MMP16: variants seen among roughly 807,000 people sequenced by gnomAD.
MMP16 encodes the protein matrix metalloproteinase-16.
A neutral mutation model predicts 67.8 loss-of-function variants in MMP16; 12 were observed. The observed-to-expected ratio is 0.18, with a 90% CI of 0.11 to 0.29. MMP16 has a LOEUF of 0.29. Ranked by LOEUF, MMP16 falls within the 10% of genes least tolerant of loss-of-function variation. The pLI is 1.00. For synonymous variants in MMP16, 249 were observed against 255.9 expected (o/e 0.97, Z 0.26); for missense variants, 475 against 765.7 (o/e 0.62, Z 4.48).
intron 1 of MMP16, among the ~76,000 whole-genome samples, chr8:88,273,493 C>T (rs1311590074): frequency 6.6e-6 from 1 of 152,082 alleles, no homozygotes; most frequent in Non-Finnish European, 1.5e-5. Flanking sequence ...AGTGATATAT[C>T]ATATATCAAT....
At position 88,041,875 on chromosome 8, in the gene MMP16, CTA is replaced by C; in HGVS notation, c.1490-82_1490-81del. 1.9e-6 allele frequency: 2 copies of C among 1,074,092 alleles called. No homozygotes were observed. The highest frequency in any genetic ancestry group is 4.8e-5 in the Admixed American group (2 of 41,810). The allele number at this position is 1,074,092 out of a possible 1,614,324, so 66.5% of individuals were successfully genotyped here. A position where few individuals can be genotyped will look rare whatever the true frequency, so the allele number is the denominator to read the frequency against. ...TGTAGAGAAATGTTACTAAAATAGG[CTA>C]TGTCTTAAGAGATGTATTTTAAGGC... On this transcript the variant is annotated intron_variant, in intron 9 of 9. Transcript: ENST00000286614. The surrounding 1 kb of genome is among the most constrained non-coding windows in gnomAD (Gnocchi z 6.0).
intron 1 of MMP16, among the ~76,000 whole-genome samples, chr8:88,308,893 C>A (rs1811252861): frequency 6.6e-6 from 1 of 151,294 alleles, no homozygotes; most frequent in African/African-American, 2.4e-5. Context: ...CACAAGTTGG[C>A]AGAAAAAGAA....
At chr8:88,096,421 A>G (rs761391065) in intron 6 of MMP16, among the ~76,000 whole-genome samples, 1 of 151,968 alleles carries the variant, frequency 6.6e-6, no homozygotes, top group Admixed American at 6.6e-5. Context: ...CAGTGTCCCT[A>G]TTTCAAATTT....
intron 1 of MMP16, among the ~76,000 whole-genome samples, chr8:88,203,699 C>G (rs1809380052): frequency 6.6e-6 from 1 of 152,102 alleles, no homozygotes; most frequent in South Asian, 2.1e-4. Flanking sequence ...ATAATACTTT[C>G]AAATATGATG....
intron 1 of MMP16, among the ~76,000 whole-genome samples, chr8:88,240,486 T>A (rs985384396): frequency 6.6e-6 from 1 of 152,136 alleles, no homozygotes; most frequent in Non-Finnish European, 1.5e-5. Flanking sequence ...GAAAAGCAGG[T>A]GAGGCAAGAT....
At chr8:88,318,987 G>T (rs1464690243) in intron 1 of MMP16, among the ~76,000 whole-genome samples, 1 of 152,072 alleles carries the variant, frequency 6.6e-6, no homozygotes, top group Non-Finnish European at 1.5e-5. Flanking sequence ...TTATAAAGGA[G>T]ACTGCTTGGC....
intron 6 of MMP16, among the ~76,000 whole-genome samples, chr8:88,115,885 A>G (rs1809419658): frequency 6.6e-6 from 1 of 152,138 alleles, no homozygotes; most frequent in African/African-American, 2.4e-5. Flanking sequence ...CAACATTAAA[A>G]GTATTTTTGC....
At chr8:88,212,632 C>T (rs1365189634) in intron 1 of MMP16, among the ~76,000 whole-genome samples, 1 of 152,116 alleles carries the variant, frequency 6.6e-6, no homozygotes, top group Admixed American at 6.6e-5. Context: ...TTACTGATTA[C>T]CATCTCATGA....
At chr8:88,148,509 C>A (rs1808334083) in intron 4 of MMP16, among the ~76,000 whole-genome samples, 2 of 152,220 alleles carry the variant, frequency 1.3e-5, no homozygotes, top group African/African-American at 4.8e-5. Flanking sequence ...GTATGTGTAT[C>A]ATTTTGTCCA....
intron 7 of MMP16, among the ~76,000 whole-genome samples, chr8:88,062,299 A>T (rs968835439): frequency 2.6e-5 from 4 of 152,236 alleles, no homozygotes; most frequent in East Asian, 1.9e-4. Context: ...CAGCCATCCC[A>T]TTATTGGGCA....
intron 1 of MMP16, among the ~76,000 whole-genome samples, chr8:88,229,614 T>C (rs1351576656): frequency 6.6e-6 from 1 of 151,964 alleles, no homozygotes; most frequent in African/African-American, 2.4e-5. Flanking sequence ...CATTTATCTG[T>C]ACAAAATGCA....
At chr8:88,119,089 G>A (rs1472081887) in intron 4 of MMP16, among the ~76,000 whole-genome samples, 2 of 151,978 alleles carry the variant, frequency 1.3e-5, no homozygotes, top group African/African-American at 2.4e-5. Flanking sequence ...CAGAGATTTA[G>A]AATCCAAAAG....
chr8:88,124,595 C>G (rs529332286), intron 4 of MMP16, among the ~76,000 whole-genome samples: 41 of 152,040 alleles, frequency 2.7e-4, no homozygotes, highest in African/African-American at 8.9e-4. Flanking sequence ...GTCAAGCCAC[C>G]TTCAAAGAAC....
chr8:88,116,045 G>C (rs977122655), intron 6 of MMP16, among the ~76,000 whole-genome samples: 2 of 152,034 alleles, frequency 1.3e-5, no homozygotes. Context: ...ATGGCTACCC[G>C]TGGACCCCAA....
At chr8:88,221,281 A>G (rs1809678467) in intron 1 of MMP16, among the ~76,000 whole-genome samples, 1 of 152,124 alleles carries the variant, frequency 6.6e-6, no homozygotes, top group South Asian at 2.1e-4. Flanking sequence ...AAATGCCAAA[A>G]GAAAACTCCT....
At chr8:88,065,057 T>C (rs1808446535) in intron 7 of MMP16, among the ~76,000 whole-genome samples, 1 of 152,132 alleles carries the variant, frequency 6.6e-6, no homozygotes, top group South Asian at 2.1e-4. Flanking sequence ...CTGGCCATTT[T>C]TGCTCTGCAT....
intron 4 of MMP16, among the ~76,000 whole-genome samples, chr8:88,144,570 T>A (rs923788719): frequency 6.6e-6 from 1 of 151,784 alleles, no homozygotes; most frequent in Non-Finnish European, 1.5e-5. Context: ...TTAGATTGGA[T>A]AATTTATATA....
chr8:88,288,673 G>T (rs775449767), intron 1 of MMP16, among the ~76,000 whole-genome samples: 13 of 152,172 alleles, frequency 8.5e-5, no homozygotes, highest in Non-Finnish European at 1.3e-4. Flanking sequence ...AATGCAGTAG[G>T]AGAGAAATTC....
intron 8 of MMP16, among the ~76,000 whole-genome samples, chr8:88,054,947 T>G (rs1017940472): frequency 6.6e-6 from 1 of 152,162 alleles, no homozygotes; most frequent in Non-Finnish European, 1.5e-5. Context: ...TGTGTGTATT[T>G]TCTTAAAAAT....
Sources: gnomAD v4.1 joint callset for allele counts (sites outside exome capture counted in the v4.1 genomes callset) on GRCh38, gnomAD v4.1.1 for gene constraint, Gnocchi (gnomAD v3.1) non-coding constraint, MANE v1.5 for transcripts, NCBI Gene and HGNC (gene_info 2026-07-23, HGNC 2026-07-21) for gene names.